Variants in DDX6 observed in about 807,000 individuals in gnomAD.
DDX6 encodes the protein probable ATP-dependent RNA helicase DDX6.
DDX6 carries 7 observed loss-of-function variants against 60.6 expected under a neutral mutation model. The observed-to-expected ratio is 0.12, with a 90% CI of 0.07 to 0.22. The LOEUF (loss-of-function observed/expected upper bound fraction) is 0.22. DDX6 is among the 10% of genes least tolerant of loss of function. The pLI, the probability that DDX6 is intolerant of heterozygous loss-of-function variation, is 1.00. For missense variants in DDX6, 270 were observed against 589.9 expected, an observed-to-expected ratio of 0.46 and a Z score of 5.62; for synonymous variants, 207 against 201.0, an observed-to-expected ratio of 1.03 and a Z score of -0.25.
intron 4 of DDX6, among the ~76,000 whole-genome samples, chr11:118,770,412 C>T (rs1861498270): frequency 6.6e-6 from 1 of 152,092 alleles, no homozygotes; most frequent in African/African-American, 2.4e-5. Context: ...GGGCTAACGA[C>T]AAAAACAAAC....
At chr11:118,790,523 A>G (rs1467039822) in intron 1 of DDX6, among the ~76,000 whole-genome samples, 1 of 152,002 alleles carries the variant, frequency 6.6e-6, no homozygotes, top group Non-Finnish European at 1.5e-5. Context: ...CCTCCAATAC[A>G]GCATGTCCCT....
At position 118,757,320 on chromosome 11, in the gene DDX6, T is replaced by TA. The variant is rs531102422; in HGVS notation, c.994-34dup. The TA allele has an allele frequency of 1.6e-4, 202 of 1,244,556 alleles. 1 individual carries two copies. The South Asian group carries it at 1.9e-3, about 12-fold the overall frequency. The allele number at this position is 1,244,556 out of a possible 1,614,324, so 77.1% of individuals were successfully genotyped here. A position where few individuals can be genotyped will look rare whatever the true frequency, so the allele number is the denominator to read the frequency against. ...CAGAAAAAAATAAGTATGAGAAAAA[T>TA]AAAAAAAACCTTCATTTGGTTTGCC... is the stretch of plus-strand genomic sequence containing the variant. On this transcript the variant is annotated intron_variant, in intron 9 of 13. Coordinates refer to ENST00000534980, the MANE Select transcript of DDX6 (RefSeq NM_004397.6).
rs1555157324 is a variant in DDX6 at position 118,751,489 on chromosome 11, G to C, written c.*616C>G. On this transcript the variant is annotated 3_prime_UTR_variant, in exon 14 of 14. Coordinates refer to ENST00000534980, the MANE Select transcript of DDX6 (RefSeq NM_004397.6). The stretch of plus-strand genomic sequence containing the variant: ...AGTTTCAACTTCTAGCCCTGGGCTC[G>C]AGTACTGGGTAGAAAGGGAAGAGAC... 1 of 152,046 alleles carries C rather than the reference G, an allele frequency of 6.6e-6. No homozygotes were observed. Among genetic ancestry groups the C allele is most frequent in the Non-Finnish European group, 1.5e-5 (1 of 68,104 alleles). 9.4% of individuals were successfully genotyped at this position (152,046 alleles called of 1,614,324 possible).
intron 2 of DDX6, among the ~76,000 whole-genome samples, chr11:118,784,925 T>A (rs1315083384): frequency 6.6e-6 from 1 of 152,164 alleles, no homozygotes; most frequent in African/African-American, 2.4e-5. Context: ...TTTGTACTTT[T>A]AGTAGAGACG....
In DDX6 at chr11:118,751,690, C is replaced by T. The variant is rs1299990422; in HGVS notation, c.*415G>A. On this transcript the variant is annotated 3_prime_UTR_variant, in exon 14 of 14. Transcript: ENST00000534980. ...TAATAAGCTCTTCAGGCTTAAAAAA[C>T]GGATGAGGAATCAGGGAGAAGTTGA... is the stretch of plus-strand genomic sequence containing the variant. 3.0e-5 allele frequency: 8 copies of T among 265,242 alleles called. No individual in the cohort carries two copies. The highest frequency in any genetic ancestry group is 1.5e-5 in the Non-Finnish European group (2 of 134,504). The allele number at this position is 265,242 out of a possible 1,614,324, so 16.4% of individuals were successfully genotyped here.
At chr11:118,787,080 T>C (rs946173062) in intron 1 of DDX6, 1 of 152,222 alleles carries the variant, frequency 6.6e-6, no homozygotes, top group Admixed American at 6.5e-5. Flanking sequence ...CTCAGGCCTG[T>C]AATCGCAGCA....
intron 13 of DDX6, among the ~76,000 whole-genome samples, chr11:118,752,904 C>T (rs1335665494): frequency 4.6e-5 from 7 of 151,926 alleles, no homozygotes; most frequent in Non-Finnish European, 2.9e-5. Context: ...GCCGGGGCAA[C>T]ATAGTGAGAT....
In DDX6 at chr11:118,749,540, T is replaced by C. The variant is rs1860681754; in HGVS notation, c.*2565A>G. ...CTCCTCATTAGAGGCTATACTTCAG[T>C]AATACTTTCCATTTTAAGTCTGTGC... On this transcript the variant is annotated 3_prime_UTR_variant, in exon 14 of 14. Transcript: ENST00000534980. 1 of 152,492 alleles carries C rather than the reference T, an allele frequency of 6.6e-6. No homozygotes were observed. 9.4% of individuals were successfully genotyped at this position (152,492 alleles called of 1,614,324 possible). A position where few individuals can be genotyped will look rare whatever the true frequency, so the allele number is the denominator to read the frequency against.
chr11:118,764,201 TATC>T (rs1861272296), intron 6 of DDX6, among the ~76,000 whole-genome samples: 1 of 152,230 alleles, frequency 6.6e-6, no homozygotes, highest in Admixed American at 6.5e-5. Context: ...ATCACATAAT[TATC>T]ATATATAATA....
chr11:118,759,484 T>A (rs1211882491), intron 8 of DDX6: 1 of 154,412 alleles, frequency 6.5e-6, no homozygotes, highest in African/African-American at 2.4e-5. Context: ...AATTTTGGAA[T>A]ATGTGCATTA....
chr11:118,773,677 A>C (rs782760683), intron 4 of DDX6, among the ~76,000 whole-genome samples: 3 of 151,880 alleles, frequency 2.0e-5, no homozygotes, highest in Non-Finnish European at 2.9e-5. Context: ...AAAAAGGGAG[A>C]TGGTAATTTC....
At chr11:118,756,691 TA>T (rs746605914) in intron 10 of DDX6, among the ~76,000 whole-genome samples, 16 of 152,332 alleles carry the variant, frequency 1.1e-4, no homozygotes, top group Non-Finnish European at 2.1e-4. Flanking sequence ...TGCTGTCCAG[TA>T]AAACTTCTAT....
rs1189835302 is a variant in DDX6 at position 118,751,274 on chromosome 11, A to G, written c.*831T>C. The G allele has an allele frequency of 3.3e-5, 5 of 152,100 alleles. No homozygotes were observed. The highest frequency in any genetic ancestry group is 5.9e-5 in the Non-Finnish European group (4 of 68,006). 9.4% of individuals were successfully genotyped at this position (152,100 alleles called of 1,614,324 possible). On this transcript the variant is annotated 3_prime_UTR_variant, in exon 14 of 14. Transcript: ENST00000534980. Reference sequence around the variant, plus strand: ...CTGCTATAGAGCACAAAGGCTTGTCATATGGCTCCTGCAATGATAGACTGC... The same window carrying G: ...CTGCTATAGAGCACAAAGGCTTGTCGTATGGCTCCTGCAATGATAGACTGC...
chr11:118,775,813 T>C (rs543630925), intron 4 of DDX6, among the ~76,000 whole-genome samples: 81 of 152,080 alleles, frequency 5.3e-4, no homozygotes, highest in Non-Finnish European at 9.0e-4. Context: ...AGGTAAGAAA[T>C]AGGAGTCAGC....
rs557381381 is a variant in DDX6, at chr11:118,783,729, C to A, written c.200+2323G>T. 2.9e-5 allele frequency among the ~76,000 whole-genome samples: 4 copies of A among 140,328 alleles called. No homozygotes were observed. In the East Asian group the frequency reaches 8.6e-4, roughly 30 times the overall value. 92.1% of individuals were successfully genotyped at this position (140,328 alleles called of 152,430 possible). Reference sequence around the variant, plus strand: ...AGGCAGGAGAATGGCTTGAACTGAACCCAGGAGGTGCAGGTTGCAGTGAGT... The same window carrying A: ...AGGCAGGAGAATGGCTTGAACTGAAACCAGGAGGTGCAGGTTGCAGTGAGT... On this transcript the variant is annotated intron_variant, in intron 2 of 13. Transcript: ENST00000534980.
At position 118,786,061 on chromosome 11, in the gene DDX6, G is replaced by T. The variant is rs116239239; in HGVS notation, c.191C>A (p.Thr64Asn). 753 of 1,613,112 alleles carry T rather than the reference G, an allele frequency of 4.7e-4. 5 individuals are homozygous for T. The African/African-American group carries it at 8.4e-3, about 18-fold the overall frequency. The stretch of plus-strand genomic sequence containing the variant: ...TTACTCTAACACTTACTTAATAGTG[G>T]TGGTCATACTCTGTGCTTGCTGCTG... ...GTQQQAQSMT[T>N]TIKPGDDWKK... The change falls in exon 2 of 14, where the codon ACC becomes AAC. Residue 64 changes from threonine (T) to asparagine (N), a missense_variant. Thr to Asn is a moderately conservative substitution (Grantham distance 65). This residue lies in a region of DDX6 where 102 missense variants were observed against 110.5 expected (regional missense o/e 0.92). Transcript: ENST00000534980.
intron 3 of DDX6, among the ~76,000 whole-genome samples, chr11:118,780,207 T>C (rs1422202304): frequency 5.9e-5 from 9 of 151,606 alleles, no homozygotes; most frequent in African/African-American, 1.5e-4. Flanking sequence ...ATATGCAGAT[T>C]ACTTGTTTTA....
chr11:118,749,334 T>G lies in DDX6; in HGVS notation c.*2771A>C, dbSNP rs1463581449. The G allele has an allele frequency of 7.4e-6, 1 of 135,738 alleles. No homozygotes were observed. The highest frequency in any genetic ancestry group is 1.5e-5 in the Non-Finnish European group (1 of 65,142). The allele number at this position is 135,738 out of a possible 1,614,324, so 8.4% of individuals were successfully genotyped here. ...AACAACTTCCAATAGTAACAATGCT[T>G]ATTATGAGGGCCCAAAAAAGAAAGA... On this transcript the variant is annotated 3_prime_UTR_variant, in exon 14 of 14. Coordinates refer to ENST00000534980, the MANE Select transcript of DDX6 (RefSeq NM_004397.6).
At chr11:118,791,054 G>C (rs1862261662) in intron 1 of DDX6, 44 bp downstream of exon 1, 1 of 148,628 alleles carries the variant, frequency 6.7e-6, no homozygotes, top group African/African-American at 2.5e-5. Flanking sequence ...GGGCGCGCAG[G>C]CCAGCCGCCC....
Sources: gnomAD v4.1 joint callset for allele counts (sites outside exome capture counted in the v4.1 genomes callset) on GRCh38, gnomAD v4.1.1 for gene constraint, gnomAD v4.1.1 regional missense constraint, MANE v1.5 for transcripts, NCBI Gene and HGNC (gene_info 2026-07-23, HGNC 2026-07-21) for gene names.